Variants in MAPRE2 observed in about 807,000 individuals in gnomAD.
MAPRE2 encodes the protein microtubule-associated protein RP/EB family member 2.
A neutral mutation model predicts 43.2 loss-of-function variants in MAPRE2; 13 were observed. The ratio of observed to expected loss-of-function variants is 0.30; its 90% CI spans 0.20 to 0.48. The LOEUF (loss-of-function observed/expected upper bound fraction) is 0.48, where lower values mean the gene tolerates loss of function less well. Among genes scored for constraint, MAPRE2 ranks in the 20% least tolerant of loss-of-function variants. MAPRE2 has a pLI of 0.99. For missense variants in MAPRE2, 161 were observed against 400.2 expected, an observed-to-expected ratio of 0.40 and a Z score of 5.10; for synonymous variants, 135 against 148.8, an observed-to-expected ratio of 0.91 and a Z score of 0.68.
rs1491278232 is a variant in MAPRE2 at position 35,016,305 on chromosome 18, G to GAT, written c.-8+10753_-8+10754insTA. ...TTGGTAGAATGATTTATTTTCCTTT[G>GAT]AGATATATATATATATCTCCAGTAA... On this transcript the variant is annotated intron_variant, in intron 2 of 7. Transcript: ENST00000413393. Among the ~76,000 whole-genome samples the GAT allele has an allele frequency of 1.1e-3, 172 of 151,612 alleles. 2 individuals carry two copies. Among genetic ancestry groups the GAT allele is most frequent in the Non-Finnish European group, 1.4e-3 (97 of 67,830 alleles).
intron 4 of MAPRE2, among the ~76,000 whole-genome samples, chr18:35,102,552 A>G (rs1908726589): frequency 6.6e-6 from 1 of 152,176 alleles, no homozygotes; most frequent in Non-Finnish European, 1.5e-5. Context: ...CTCTGTTGTT[A>G]AATATGGATC....
At chr18:35,034,823 C>T (rs547879658) in intron 2 of MAPRE2, among the ~76,000 whole-genome samples, 44 of 152,310 alleles carry the variant, frequency 2.9e-4, no homozygotes, top group African/African-American at 9.4e-4. Flanking sequence ...TACCATCTCA[C>T]GCCAGTTAGA....
chr18:34,980,698 G>A (rs2097015777), intron 1 of MAPRE2, among the ~76,000 whole-genome samples: 1 of 152,094 alleles, frequency 6.6e-6, no homozygotes. Context: ...CAACAATTTA[G>A]CATTTTGAGC....
chr18:35,090,397 A>G (rs1908087547), intron 2 of MAPRE2, among the ~76,000 whole-genome samples: 1 of 152,176 alleles, frequency 6.6e-6, no homozygotes, highest in Non-Finnish European at 1.5e-5. Context: ...AGCCAGAGTA[A>G]TTAGACAGGA....
At position 35,035,328 on chromosome 18, in the gene MAPRE2, A is replaced by G. The variant is rs191321899; in HGVS notation, c.-8+29775A>G. Among the ~76,000 whole-genome samples, 641 of 150,544 alleles carry G rather than the reference A, an allele frequency of 4.3e-3. 4 individuals carry two copies. The highest frequency in any genetic ancestry group is 0.015 in the African/African-American group (604 of 40,890). On this transcript the variant is annotated intron_variant, in intron 2 of 7. Transcript: ENST00000413393. Reference sequence around the variant, plus strand: ...ATTGAACAATGAGAACACATGGACAAAGGAGGGGGAACATCACACTCTGGG... The same window carrying G: ...ATTGAACAATGAGAACACATGGACAGAGGAGGGGGAACATCACACTCTGGG...
chr18:35,001,528 A>AAAG (rs2097029356), intron 1 of MAPRE2, among the ~76,000 whole-genome samples: 1 of 152,018 alleles, frequency 6.6e-6, no homozygotes, highest in African/African-American at 2.4e-5. Context: ...AAAAAAAAAA[A>AAAG]AAGATACGTG....
Position 35,139,795 on chromosome 18 carries a change from G to A in MAPRE2, c.910-500G>A, listed in dbSNP as rs146751204. ...GGGTCTCCTTCAGGGCGACACTGCCGAGCAAGAAGAATGACAGCAAGGGAG... is the reference window on the plus strand; with the variant it reads ...GGGTCTCCTTCAGGGCGACACTGCCAAGCAAGAAGAATGACAGCAAGGGAG... On this transcript the variant is annotated intron_variant, in intron 6 of 6. Transcript: ENST00000300249. Among the ~76,000 whole-genome samples, 1,274 of 152,262 alleles carry A rather than the reference G, an allele frequency of 8.4e-3. 5 individuals carry two copies. The highest frequency in any genetic ancestry group is 0.027 in the Middle Eastern group (8 of 294).
intron 1 of MAPRE2, among the ~76,000 whole-genome samples, chr18:35,043,880 G>A (rs1347505603): frequency 1.3e-5 from 2 of 152,004 alleles, no homozygotes; most frequent in Non-Finnish European, 2.9e-5. Flanking sequence ...TTTTTTTGGA[G>A]GGGCATAGGA....
chr18:35,115,018 C>CT (rs34432590), intron 4 of MAPRE2, among the ~76,000 whole-genome samples: 1 of 151,954 alleles, frequency 6.6e-6, no homozygotes, highest in East Asian at 1.9e-4. Context: ...ATTATTGATA[C>CT]TTTTTTTTGT....
chr18:35,091,136 G>C (rs1036353113), intron 2 of MAPRE2, among the ~76,000 whole-genome samples: 1 of 152,184 alleles, frequency 6.6e-6, no homozygotes, highest in Non-Finnish European at 1.5e-5. Context: ...GTCCATACAG[G>C]TTAAGTATCT....
chr18:34,998,004 T>G (rs910588584), intron 1 of MAPRE2, among the ~76,000 whole-genome samples: 1 of 152,222 alleles, frequency 6.6e-6, no homozygotes, highest in African/African-American at 2.4e-5. Context: ...TCCCCAGTAG[T>G]TGTTTTAATC....
chr18:35,013,946 A>G (rs971976529), intron 2 of MAPRE2, among the ~76,000 whole-genome samples: 4 of 152,062 alleles, frequency 2.6e-5, no homozygotes, highest in African/African-American at 9.7e-5. Context: ...TAATATCTTG[A>G]CTATTGTAAA....
chr18:35,132,248 CAGT>C, intron 6 of MAPRE2, 58 bp downstream of exon 6: 3 of 1,532,032 alleles, frequency 2.0e-6, no homozygotes, highest in South Asian at 1.2e-5. Context: ...GGTCAAAACA[CAGT>C]AGATCAGCAC....
intron 2 of MAPRE2, among the ~76,000 whole-genome samples, chr18:35,023,975 G>T (rs1392173776): frequency 3.9e-5 from 6 of 152,104 alleles, no homozygotes; most frequent in Non-Finnish European, 8.8e-5. Flanking sequence ...ACCTAAATTT[G>T]TTTTTTATTT....
chr18:35,008,002 G>C (rs1253393463), intron 2 of MAPRE2, among the ~76,000 whole-genome samples: 2 of 152,156 alleles, frequency 1.3e-5, no homozygotes, highest in Admixed American at 6.5e-5. Flanking sequence ...TCTTGTGGGG[G>C]AAGGAAGGTT....
At chr18:35,075,258 C>T (rs1907293028) in intron 2 of MAPRE2, among the ~76,000 whole-genome samples, 1 of 152,176 alleles carries the variant, frequency 6.6e-6, no homozygotes, top group Non-Finnish European at 1.5e-5. Flanking sequence ...CGGGCCCCAC[C>T]CTGATGGCCA....
chr18:34,988,966 G>T (rs2150573698), intron 1 of MAPRE2: 1 of 152,174 alleles, frequency 6.6e-6, no homozygotes, highest in East Asian at 1.9e-4. Flanking sequence ...TTATTAAGTA[G>T]CTTTTTATCT....
chr18:35,031,401 T>G (rs1221284037), intron 2 of MAPRE2, among the ~76,000 whole-genome samples: 1 of 152,252 alleles, frequency 6.6e-6, no homozygotes, highest in Non-Finnish European at 1.5e-5. Context: ...CATTATAACT[T>G]TTATCACATT....
chr18:35,126,890 T>A (rs1909927842), intron 4 of MAPRE2, 58 bp from the exon 5 acceptor site: 10 of 1,469,266 alleles, frequency 6.8e-6, no homozygotes, highest in Non-Finnish European at 8.5e-6. Flanking sequence ...ATTTTCTATG[T>A]ATCTAAAACA....
Sources: gnomAD v4.1 joint callset for allele counts (sites outside exome capture counted in the v4.1 genomes callset) on GRCh38, gnomAD v4.1.1 for gene constraint, MANE v1.5 for transcripts, NCBI Gene and HGNC (gene_info 2026-07-23, HGNC 2026-07-21) for gene names.